NRF1: variants seen among roughly 807,000 people sequenced by gnomAD.
NRF1 encodes nuclear respiratory factor 1.
A neutral mutation model predicts 58.5 loss-of-function variants in NRF1; 5 were observed. That is an observed-to-expected ratio of 0.09 (90% CI 0.04 to 0.18). The LOEUF (loss-of-function observed/expected upper bound fraction) is 0.18, where lower values mean the gene tolerates loss of function less well. NRF1 is among the 10% of genes least tolerant of loss of function. The probability of loss-of-function intolerance (pLI) is 1.00; values close to 1 mark genes in which losing one functional copy is unlikely to be tolerated. For missense variants in NRF1, 288 were observed against 657.7 expected (o/e 0.44, Z 6.15); for synonymous variants, 224 against 246.7 (o/e 0.91, Z 0.86).
At position 129,710,583 on chromosome 7, in the gene NRF1, TG is replaced by T; in HGVS notation, c.963+13del. On this transcript the variant is annotated intron_variant, in intron 7 of 10. Transcript: ENST00000393232. ...TCTCACTTATCCAGGTGAGTAAACC[TG>T]AGGGCTACCAGACTGTGGCTTCTGA... is the stretch of plus-strand genomic sequence containing the variant. 1 of 1,358,520 alleles carries T rather than the reference TG, an allele frequency of 7.4e-7. No individual in the cohort carries two copies. Among genetic ancestry groups the T allele is most frequent in the Non-Finnish European group, 1.1e-6 (1 of 946,884 alleles). The allele number at this position is 1,358,520 out of a possible 1,614,324, so 84.2% of individuals were successfully genotyped here.
In NRF1 at chr7:129,745,591, G is replaced by A. The variant is rs182380409; in HGVS notation, c.1349-9427G>A. Among the ~76,000 whole-genome samples, 21 of 141,318 alleles carry A rather than the reference G, an allele frequency of 1.5e-4. No individual in the cohort carries two copies. In the Admixed American group the frequency reaches 1.6e-3, roughly 11 times the overall value. The allele number at this position is 141,318 out of a possible 152,430, so 92.7% of individuals were successfully genotyped here. ...GCTCGGGACCGCTGCTCCAGAGCAC[G>A]TGCATATTCCACAAGCTTCAGCAGA... On this transcript the variant is annotated intron_variant, in intron 10 of 10. Coordinates refer to ENST00000393232, the MANE Select transcript of NRF1 (RefSeq NM_005011.5).
In NRF1 at chr7:129,663,384, C is replaced by T. The variant is rs565292628; in HGVS notation, c.223+5810C>T. 2.5e-3 allele frequency among the ~76,000 whole-genome samples: 366 copies of T among 144,812 alleles called. 3 individuals carry two copies. The highest frequency in any genetic ancestry group is 0.016 in the Middle Eastern group (4 of 248). On this transcript the variant is annotated intron_variant, in intron 2 of 10. Coordinates refer to ENST00000393232, the MANE Select transcript of NRF1 (RefSeq NM_005011.5). ...CTCACTTCCCAGACGGGGTGGTGGC[C>T]GGACAGAGGCGCTCCTCACCTCCCA...
intron 1 of NRF1, among the ~76,000 whole-genome samples, chr7:129,650,836 A>G (rs760617082): frequency 1.8e-4 from 28 of 152,186 alleles, no homozygotes; most frequent in Middle Eastern, 3.4e-3. Context: ...TAAAATAGAG[A>G]ATATTTAATA....
At chr7:129,696,475 CTTATT>C (rs1490539197) in intron 5 of NRF1, among the ~76,000 whole-genome samples, 1 of 152,066 alleles carries the variant, frequency 6.6e-6, no homozygotes, top group Non-Finnish European at 1.5e-5. Context: ...GTAAAAAATT[CTTATT>C]TTATAGTCAA....
intron 10 of NRF1, among the ~76,000 whole-genome samples, chr7:129,751,787 C>T (rs1804122418): frequency 6.6e-6 from 1 of 152,246 alleles, no homozygotes; most frequent in East Asian, 1.9e-4. Flanking sequence ...TGTGGGTTCC[C>T]TGGAGGAACA....
chr7:129,755,114 C>A lies in NRF1; in HGVS notation c.1445C>A (p.Thr482Asn). The part of the protein sequence containing the change: ...PVQVAMAPVT[T>N]RISDSAVTMD... Reference sequence around the variant, plus strand: ...CAGGTGGCCATGGCCCCTGTGACCACCAGGATATCAGACAGCGCAGTCACC... The same window carrying A: ...CAGGTGGCCATGGCCCCTGTGACCAACAGGATATCAGACAGCGCAGTCACC... Residue 482 changes from threonine (T) to asparagine (N), a missense_variant, in exon 11 of 11, where the codon ACC becomes AAC. Physicochemically the swap from Thr to Asn is moderately conservative, Grantham distance 65 (BLOSUM62 0). Transcript: ENST00000393232. The surrounding 1 kb of genome is among the most constrained non-coding windows in gnomAD (Gnocchi z 5.8). The A allele has an allele frequency of 6.2e-7, 1 of 1,613,976 alleles. No individual in the cohort carries two copies. Among genetic ancestry groups the A allele is most frequent in the Non-Finnish European group, 8.5e-7 (1 of 1,179,972 alleles).
At chr7:129,675,927 C>T (rs1198004991) in intron 3 of NRF1, among the ~76,000 whole-genome samples, 1 of 152,230 alleles carries the variant, frequency 6.6e-6, no homozygotes, top group Admixed American at 6.5e-5. Flanking sequence ...GTATCTTCTT[C>T]CAGTAGAAGG....
chr7:129,697,368 C>A (rs548540320), intron 5 of NRF1, among the ~76,000 whole-genome samples: 363 of 151,730 alleles, frequency 2.4e-3, no homozygotes, highest in African/African-American at 8.5e-3. Flanking sequence ...ATGGTGAAAC[C>A]CCGTCTCCAC....
intron 5 of NRF1, among the ~76,000 whole-genome samples, chr7:129,695,384 C>G (rs1802664118): frequency 6.6e-6 from 1 of 151,916 alleles, no homozygotes. Flanking sequence ...CGAGAGCAGC[C>G]TGGCCAACAT....
chr7:129,716,157 A>G (rs908969572), intron 8 of NRF1, among the ~76,000 whole-genome samples: 4 of 152,222 alleles, frequency 2.6e-5, no homozygotes, highest in African/African-American at 9.6e-5. Flanking sequence ...ATATGCTGCC[A>G]TTTTTATTTT....
chr7:129,657,607 A>ATTTT (rs11446444), intron 2 of NRF1, 33 bp downstream of exon 2: 2,256 of 996,794 alleles, frequency 2.3e-3, no homozygotes, highest in Non-Finnish European at 2.8e-3. Context: ...CTCTTCTTTA[A>ATTTT]TTTTTTTTTT....
At chr7:129,656,044 C>T (rs971998264) in intron 1 of NRF1, among the ~76,000 whole-genome samples, 4 of 151,838 alleles carry the variant, frequency 2.6e-5, no homozygotes, top group Non-Finnish European at 5.9e-5. Flanking sequence ...TTGGCTGTTG[C>T]GAATAAAGCT....
intron 1 of NRF1, among the ~76,000 whole-genome samples, chr7:129,625,127 G>C (rs1039753041): frequency 2.6e-5 from 4 of 152,154 alleles, no homozygotes; most frequent in African/African-American, 9.7e-5. Context: ...CCAGCCTTTG[G>C]TGGCATTCCT....
chr7:129,611,929 C>CGCCCCCGGCTCTGGGCCTGG (rs1800538800), intron 1 of NRF1, 105 bp downstream of exon 1: 1 of 148,520 alleles, frequency 6.7e-6, no homozygotes, highest in African/African-American at 2.4e-5. Context: ...GGCACCCTGC[C>CGCCCCCGGCTCTGGGCCTGG]GCCCCCGGCT....
chr7:129,684,186 G>A (rs535667346), intron 4 of NRF1, among the ~76,000 whole-genome samples: 35 of 152,164 alleles, frequency 2.3e-4, no homozygotes, highest in South Asian at 4.1e-4. Flanking sequence ...ATGAGTTAGC[G>A]AACAGGGAAA....
intron 1 of NRF1, among the ~76,000 whole-genome samples, chr7:129,648,585 T>C (rs2151071437): frequency 6.6e-6 from 1 of 152,312 alleles, no homozygotes; most frequent in East Asian, 1.9e-4. Context: ...AGCTTGACTT[T>C]CTTTTATGGA....
At chr7:129,732,935 G>A (rs1048731210) in intron 10 of NRF1, among the ~76,000 whole-genome samples, 1 of 152,046 alleles carries the variant, frequency 6.6e-6, no homozygotes, top group Non-Finnish European at 1.5e-5. Context: ...GCCGGGCATG[G>A]TGGTGGGCAC....
At chr7:129,692,028 G>A (rs1277182829) in intron 5 of NRF1, among the ~76,000 whole-genome samples, 1 of 152,046 alleles carries the variant, frequency 6.6e-6, no homozygotes, top group South Asian at 2.1e-4. Context: ...TGTCCATCTG[G>A]TTGCTCAAGT....
At chr7:129,705,612 A>G (rs1432375576) in intron 5 of NRF1, among the ~76,000 whole-genome samples, 1 of 152,124 alleles carries the variant, frequency 6.6e-6, no homozygotes, top group Non-Finnish European at 1.5e-5. Context: ...TTTGGTAGAA[A>G]GAGCTAACTT....
Sources: gnomAD v4.1 joint callset for allele counts (sites outside exome capture counted in the v4.1 genomes callset) on GRCh38, gnomAD v4.1.1 for gene constraint, Gnocchi (gnomAD v3.1) non-coding constraint, MANE v1.5 for transcripts, NCBI Gene and HGNC (gene_info 2026-07-23, HGNC 2026-07-21) for gene names.